The following NOL4 variants were observed in gnomAD, a reference collection of about 807,000 sequenced individuals.
The protein encoded by NOL4 is cancer/testis antigen 125.
NOL4 carries 17 observed loss-of-function variants against 75.9 expected under a neutral mutation model. The ratio of observed to expected loss-of-function variants is 0.22; its 90% CI spans 0.15 to 0.34. The LOEUF (loss-of-function observed/expected upper bound fraction) is 0.34, where lower values mean the gene tolerates loss of function less well. Ranked by LOEUF, NOL4 falls within the 10% of genes least tolerant of loss-of-function variation. The pLI is 1.00. For missense variants in NOL4, 614 were observed against 793.5 expected, an observed-to-expected ratio of 0.77 and a Z score of 2.72; for synonymous variants, 292 against 289.9, an observed-to-expected ratio of 1.01 and a Z score of -0.07.
chr18:33,986,022 C>G (rs1355071861), intron 6 of NOL4, among the ~76,000 whole-genome samples: 1 of 151,934 alleles, frequency 6.6e-6, no homozygotes, highest in Non-Finnish European at 1.5e-5. Context: ...TAGAATATGC[C>G]ATTTATGAAA....
intron 6 of NOL4, among the ~76,000 whole-genome samples, chr18:34,017,998 T>C (rs561841981): frequency 2.2e-4 from 33 of 152,246 alleles, no homozygotes; most frequent in African/African-American, 7.7e-4. Context: ...TGCAAGAATA[T>C]GTTTTAATAA....
chr18:34,181,670 G>A (rs2034048028), intron 1 of NOL4, among the ~76,000 whole-genome samples: 1 of 151,430 alleles, frequency 6.6e-6, no homozygotes, highest in Non-Finnish European at 1.5e-5. Flanking sequence ...TTATATATTT[G>A]AGAAGGGTCT....
chr18:34,189,225 A>T (rs1600833592), intron 1 of NOL4, among the ~76,000 whole-genome samples: 2 of 152,310 alleles, frequency 1.3e-5, no homozygotes, highest in South Asian at 4.1e-4. Context: ...CAAAAGAGGC[A>T]AAACATGAGG....
At chr18:34,205,052 C>T (rs2036025117) in intron 1 of NOL4, among the ~76,000 whole-genome samples, 1 of 152,110 alleles carries the variant, frequency 6.6e-6, no homozygotes, top group African/African-American at 2.4e-5. Context: ...TCCATCCTTA[C>T]TGCCCTGGAT....
intron 6 of NOL4, among the ~76,000 whole-genome samples, chr18:33,988,316 G>T (rs2072629096): frequency 6.6e-6 from 1 of 152,018 alleles, no homozygotes; most frequent in Non-Finnish European, 1.5e-5. Context: ...TCTATACATG[G>T]GAGTGGCCAT....
intron 5 of NOL4, among the ~76,000 whole-genome samples, chr18:34,021,576 A>G (rs2075039316): frequency 1.3e-5 from 2 of 152,208 alleles, no homozygotes; most frequent in East Asian, 1.9e-4. Context: ...GGAAAAAGTT[A>G]TATTTCAAAT....
chr18:34,000,213 A>G (rs2073598878), intron 6 of NOL4, among the ~76,000 whole-genome samples: 1 of 152,098 alleles, frequency 6.6e-6, no homozygotes. Flanking sequence ...TCTAATTTCT[A>G]AGAGATAATG....
chr18:34,139,436 T>A (rs1377466539), intron 1 of NOL4, among the ~76,000 whole-genome samples: 1 of 152,222 alleles, frequency 6.6e-6, no homozygotes, highest in Non-Finnish European at 1.5e-5. Context: ...ATTTATCTAT[T>A]TCTTCTAGAT....
At chr18:34,097,593 A>G (rs2145596698) in intron 4 of NOL4, among the ~76,000 whole-genome samples, 1 of 152,296 alleles carries the variant, frequency 6.6e-6, no homozygotes, top group African/African-American at 2.4e-5. Flanking sequence ...TGAACATTTG[A>G]AATGTGGTTA....
intron 10 of NOL4, among the ~76,000 whole-genome samples, chr18:33,881,835 T>C (rs890100383): frequency 6.6e-6 from 1 of 152,018 alleles, no homozygotes; most frequent in African/African-American, 2.4e-5. Flanking sequence ...CAAAACAGCA[T>C]GGTACTGGTA....
At position 34,223,152 on chromosome 18, in the gene NOL4, T is replaced by A; in HGVS notation, c.102A>T (p.Glu34Asp). The stretch of plus-strand genomic sequence containing the variant: ...AGCCATTGAGGAGCTGGACGATCCG[T>A]TCGTATTTTTTACGGGTCACCGTCT... ...KTKTVTRKKY[E>D]RIVQLLNGSE... The change falls in exon 1 of 11, where the codon GAA (glutamate) becomes GAT (aspartate). Residue 34 changes from glutamate (E) to aspartate (D), a missense_variant. Glu to Asp is a conservative substitution (Grantham distance 45, BLOSUM62 2). This residue lies in a region of NOL4 where 35 missense variants were observed against 29.2 expected (regional missense o/e 1.20). Coordinates refer to ENST00000261592, the MANE Select transcript of NOL4 (RefSeq NM_003787.5). 1 of 1,614,110 alleles carries A rather than the reference T, an allele frequency of 6.2e-7. No individual in the cohort carries two copies.
chr18:34,182,691 T>G (rs1295889142), intron 1 of NOL4, among the ~76,000 whole-genome samples: 1 of 151,692 alleles, frequency 6.6e-6, no homozygotes, highest in African/African-American at 2.4e-5. Flanking sequence ...AGTGAATATC[T>G]TTGGGTAGTG....
chr18:34,079,636 T>G (rs892330045), intron 5 of NOL4, among the ~76,000 whole-genome samples: 2 of 151,760 alleles, frequency 1.3e-5, no homozygotes, highest in Admixed American at 6.6e-5. Flanking sequence ...CTTTTCCCAG[T>G]GAGCATCACA....
chr18:33,936,149 T>C (rs540404353), intron 9 of NOL4, among the ~76,000 whole-genome samples: 22 of 152,278 alleles, frequency 1.4e-4, no homozygotes, highest in African/African-American at 5.3e-4. Flanking sequence ...GTATGTTAGA[T>C]AGTTTTAAAA....
intron 10 of NOL4, among the ~76,000 whole-genome samples, chr18:33,880,466 C>T (rs753080786): frequency 1.2e-4 from 18 of 151,940 alleles, no homozygotes; most frequent in Non-Finnish European, 2.4e-4. Context: ...AGTTAAATTT[C>T]TGACTTTAGA....
intron 1 of NOL4, among the ~76,000 whole-genome samples, chr18:34,189,610 G>A (rs1005497616): frequency 9.2e-5 from 14 of 152,094 alleles, no homozygotes; most frequent in African/African-American, 3.4e-4. Context: ...AGTTACACAT[G>A]TAAGCTTATT....
chr18:34,049,604 G>C (rs1600396277), intron 5 of NOL4, among the ~76,000 whole-genome samples: 1 of 151,956 alleles, frequency 6.6e-6, no homozygotes, highest in Admixed American at 6.6e-5. Flanking sequence ...CTCTGATTCA[G>C]GTTCTCACCC....
At chr18:34,216,907 G>T (rs6507078) in intron 1 of NOL4, among the ~76,000 whole-genome samples, 2 of 151,540 alleles carry the variant, frequency 1.3e-5, no homozygotes, top group Non-Finnish European at 2.9e-5. Flanking sequence ...TTCTTTTGTC[G>T]CATTGACAAT....
rs944576578 is a variant in NOL4, at chr18:34,142,979, C to T, written c.265-12959G>A. On this transcript the variant is annotated intron_variant, in intron 1 of 10. Coordinates refer to ENST00000261592, the MANE Select transcript of NOL4 (RefSeq NM_003787.5). ...TACAAACCTTTAAAAAATGTGAGTTCTAGCTCAATAAAGCTGTTAAAATAA... is the reference window on the plus strand; with the variant it reads ...TACAAACCTTTAAAAAATGTGAGTTTTAGCTCAATAAAGCTGTTAAAATAA... Among the ~76,000 whole-genome samples the T allele has an allele frequency of 6.6e-5, 10 of 151,388 alleles. No individual in the cohort carries two copies. In the East Asian group the frequency reaches 1.6e-3, roughly 24 times the overall value.
Sources: gnomAD v4.1 joint callset for allele counts (sites outside exome capture counted in the v4.1 genomes callset) on GRCh38, gnomAD v4.1.1 for gene constraint, gnomAD v4.1.1 regional missense constraint, MANE v1.5 for transcripts, NCBI Gene and HGNC (gene_info 2026-07-23, HGNC 2026-07-21) for gene names.